The following ADCY2 variants were observed in gnomAD, a reference collection of about 807,000 sequenced individuals.
The protein encoded by ADCY2 is adenylate cyclase 2, also known as adenylate cyclase type 2.
In ADCY2, 31 loss-of-function variants were observed where a neutral mutation model predicts 125.2. The observed-to-expected ratio is 0.25, with a 90% confidence interval of 0.19 to 0.33. The LOEUF (loss-of-function observed/expected upper bound fraction) is 0.33. Ranked by LOEUF, ADCY2 falls within the 10% of genes least tolerant of loss-of-function variation. The pLI, the probability that ADCY2 is intolerant of heterozygous loss-of-function variation, is 1.00. For synonymous variants in ADCY2, 512 were observed against 548.4 expected, an observed-to-expected ratio of 0.93 and a Z score of 0.93; for missense variants, 904 against 1,418.2, an observed-to-expected ratio of 0.64 and a Z score of 5.82.
intron 19 of ADCY2, among the ~76,000 whole-genome samples, chr5:7,786,615 G>T (rs137865559): frequency 1.9e-3 from 286 of 152,332 alleles, no homozygotes; most frequent in African/African-American, 6.7e-3. Flanking sequence ...AGTACTACTT[G>T]CTGTACTAAA....
At chr5:7,423,682 G>C (rs189987818) in intron 2 of ADCY2, among the ~76,000 whole-genome samples, 7 of 152,118 alleles carry the variant, frequency 4.6e-5, no homozygotes, top group Non-Finnish European at 7.3e-5. Context: ...TATTAGCAGC[G>C]TGAGAACAGA....
chr5:7,820,035 T>C (rs1019335387), intron 23 of ADCY2, among the ~76,000 whole-genome samples: 1 of 152,208 alleles, frequency 6.6e-6, no homozygotes, highest in African/African-American at 2.4e-5. Flanking sequence ...CTCTGACCTG[T>C]GCCAGAGCTG....
intron 7 of ADCY2, among the ~76,000 whole-genome samples, chr5:7,703,153 C>CA: frequency 6.6e-6 from 1 of 151,968 alleles, no homozygotes; most frequent in African/African-American, 2.4e-5. Flanking sequence ...GAGTAGATTG[C>CA]AAAAATTTTC....
intron 4 of ADCY2, among the ~76,000 whole-genome samples, chr5:7,647,100 CTCTT>C (rs1474466667): frequency 1.3e-5 from 2 of 152,200 alleles, no homozygotes; most frequent in Admixed American, 1.3e-4. Context: ...ACTGAGCAGA[CTCTT>C]TCCTTGTCCT....
At chr5:7,539,168 A>G (rs1215593659) in intron 3 of ADCY2, among the ~76,000 whole-genome samples, 1 of 152,004 alleles carries the variant, frequency 6.6e-6, no homozygotes, top group Non-Finnish European at 1.5e-5. Context: ...CAGCCTCTTG[A>G]GTATAAATTT....
intron 12 of ADCY2, among the ~76,000 whole-genome samples, chr5:7,723,650 C>T (rs975254165): frequency 5.9e-5 from 9 of 152,034 alleles, no homozygotes; most frequent in Non-Finnish European, 1.3e-4. Context: ...GGGACAGGCG[C>T]GGTGGCTCAC....
At chr5:7,805,069 A>G (rs1186889190) in intron 22 of ADCY2, among the ~76,000 whole-genome samples, 1 of 151,946 alleles carries the variant, frequency 6.6e-6, no homozygotes, top group African/African-American at 2.4e-5. Flanking sequence ...TAATCCCAGC[A>G]CTTTGGGAGG....
Position 7,829,763 on chromosome 5 carries a change from T to G in ADCY2, c.*2892T>G, listed in dbSNP as rs370842341. The G allele has an allele frequency of 7.9e-5, 12 of 152,390 alleles. No homozygotes were observed. The highest frequency in any genetic ancestry group is 4.1e-4 in the South Asian group (2 of 4,824). The allele number at this position is 152,390 out of a possible 1,614,324, so 9.4% of individuals were successfully genotyped here. On this transcript the variant is annotated 3_prime_UTR_variant, in exon 25 of 25. Coordinates refer to ENST00000338316, the MANE Select transcript of ADCY2 (RefSeq NM_020546.3). ...AGGCAGCAACCATTCATCTTTCCTTTGCTCTGGATACACCGAATGACCAGG... is the reference window on the plus strand; with the variant it reads ...AGGCAGCAACCATTCATCTTTCCTTGGCTCTGGATACACCGAATGACCAGG...
rs138290462 is a variant in ADCY2, at chr5:7,542,914, A to G, written c.570+22015A>G. Among the ~76,000 whole-genome samples, 264 of 152,262 alleles carry G rather than the reference A, an allele frequency of 1.7e-3. 2 individuals are homozygous for G. Among genetic ancestry groups the G allele is most frequent in the African/African-American group, 5.9e-3 (247 of 41,550 alleles). ...GGACACTCAGGCACATCCACTTTAA[A>G]CCATTTCTCTAGACAAAGACAGTAA... On this transcript the variant is annotated intron_variant, in intron 3 of 24. Coordinates refer to ENST00000338316, the MANE Select transcript of ADCY2 (RefSeq NM_020546.3).
chr5:7,453,624 A>T (rs1741554723), intron 2 of ADCY2, among the ~76,000 whole-genome samples: 1 of 152,190 alleles, frequency 6.6e-6, no homozygotes, highest in Non-Finnish European at 1.5e-5. Context: ...GACGGGAAGT[A>T]TACTTGGAAG....
chr5:7,618,818 G>A (rs1194790974), intron 3 of ADCY2, among the ~76,000 whole-genome samples: 3 of 152,168 alleles, frequency 2.0e-5, no homozygotes, highest in African/African-American at 7.2e-5. Flanking sequence ...GTGTATATTG[G>A]TTGGTGCAGA....
chr5:7,470,371 T>C (rs1239899278), intron 2 of ADCY2, among the ~76,000 whole-genome samples: 1 of 151,628 alleles, frequency 6.6e-6, no homozygotes, highest in Non-Finnish European at 1.5e-5. Context: ...TTCTTTCTTT[T>C]TACATTTTGT....
chr5:7,708,000 AT>A, intron 9 of ADCY2, 162 bp downstream of exon 9: 1 of 755,930 alleles, frequency 1.3e-6, no homozygotes, highest in Admixed American at 3.1e-5. Flanking sequence ...ATGTTTTGTA[AT>A]TATGAATTCA....
intron 1 of ADCY2, among the ~76,000 whole-genome samples, chr5:7,398,874 A>G (rs929691343): frequency 2.0e-5 from 3 of 152,250 alleles, no homozygotes; most frequent in African/African-American, 7.2e-5. Flanking sequence ...TAGAAACACC[A>G]TAACCAGCAT....
intron 2 of ADCY2, among the ~76,000 whole-genome samples, chr5:7,427,979 T>C (rs1258728067): frequency 1.4e-4 from 21 of 152,164 alleles, no homozygotes; most frequent in Admixed American, 1.4e-3. Context: ...TATTAAGCAT[T>C]TCAGAACAAC....
At chr5:7,539,071 C>A (rs898294059) in intron 3 of ADCY2, among the ~76,000 whole-genome samples, 8 of 151,942 alleles carry the variant, frequency 5.3e-5, no homozygotes, top group Non-Finnish European at 8.8e-5. Context: ...CCATGTTGGC[C>A]AGGCTGGTCT....
chr5:7,763,371 G>A (rs546231203), intron 16 of ADCY2, among the ~76,000 whole-genome samples: 2 of 152,284 alleles, frequency 1.3e-5, no homozygotes, highest in Non-Finnish European at 2.9e-5. Context: ...GATGACAGGC[G>A]TGAGCCACCG....
intron 2 of ADCY2, among the ~76,000 whole-genome samples, chr5:7,487,328 C>T (rs1742973095): frequency 6.6e-6 from 1 of 152,200 alleles, no homozygotes; most frequent in Non-Finnish European, 1.5e-5. Context: ...CCCCCACCAT[C>T]ACCACTGCCA....
chr5:7,500,536 A>G (rs2126502597), intron 2 of ADCY2, among the ~76,000 whole-genome samples: 1 of 152,284 alleles, frequency 6.6e-6, no homozygotes, highest in South Asian at 2.1e-4. Context: ...ATGGCACTTT[A>G]CCCAGGTAGT....
Sources: allele counts gnomAD v4.1 joint callset (sites outside exome capture counted in the v4.1 genomes callset), GRCh38; gene constraint gnomAD v4.1.1; transcripts MANE v1.5; gene names NCBI Gene and HGNC (gene_info 2026-07-23, HGNC 2026-07-21).